Variants in DAPK2 observed in about 807,000 individuals in gnomAD.
DAPK2 encodes the protein death associated protein kinase 2.
A neutral mutation model predicts 44.1 loss-of-function variants in DAPK2; 35 were observed. The ratio of observed to expected loss-of-function variants is 0.79; its 90% CI spans 0.61 to 1.05. The LOEUF is 1.05. DAPK2 is among the 50% of genes least tolerant of loss of function. The pLI is 0.00. For synonymous variants in DAPK2, 174 were observed against 182.6 expected (o/e 0.95, Z 0.38); for missense variants, 453 against 483.2 (o/e 0.94, Z 0.59).
At chr15:64,033,037 G>A (rs1193695413) in intron 1 of DAPK2, among the ~76,000 whole-genome samples, 1 of 152,254 alleles carries the variant, frequency 6.6e-6, no homozygotes, top group Non-Finnish European at 1.5e-5. Flanking sequence ...AGTGAGCCAA[G>A]ATAGCACCAC....
At chr15:63,994,836 C>G (rs1217083536) in intron 1 of DAPK2, among the ~76,000 whole-genome samples, 1 of 152,012 alleles carries the variant, frequency 6.6e-6, no homozygotes, top group Non-Finnish European at 1.5e-5. Context: ...GTGATCCGCC[C>G]ACCTCAGCCT....
chr15:64,010,763 A>G (rs185905582), intron 1 of DAPK2, among the ~76,000 whole-genome samples: 4 of 152,280 alleles, frequency 2.6e-5, no homozygotes, highest in Admixed American at 2.6e-4. Flanking sequence ...CAAGCTTCCC[A>G]TGGACTCATT....
intron 1 of DAPK2, among the ~76,000 whole-genome samples, chr15:64,034,459 G>A (rs1232604217): frequency 6.6e-6 from 1 of 152,184 alleles, no homozygotes; most frequent in Non-Finnish European, 1.5e-5. Context: ...CTCATCCCCA[G>A]GCAAGGAGAC....
intron 3 of DAPK2, among the ~76,000 whole-genome samples, chr15:63,962,470 A>G (rs148102317): frequency 0.028 from 4,288 of 152,166 alleles, 92 homozygotes; most frequent in South Asian, 0.092. Context: ...ATTTCTCCCC[A>G]TCTTTGTGGT....
chr15:64,023,837 C>G (rs1039341589), intron 1 of DAPK2, among the ~76,000 whole-genome samples: 1 of 152,172 alleles, frequency 6.6e-6, no homozygotes, highest in Non-Finnish European at 1.5e-5. Flanking sequence ...TGCTCAAAGC[C>G]GTTACCATCT....
chr15:63,985,496 C>CT (rs2078644686), intron 1 of DAPK2, among the ~76,000 whole-genome samples: 2 of 152,334 alleles, frequency 1.3e-5, no homozygotes, highest in East Asian at 3.9e-4. Flanking sequence ...AGCCACACGC[C>CT]TCTCCTCTCC....
intron 1 of DAPK2, among the ~76,000 whole-genome samples, chr15:63,993,069 C>T (rs2078860375): frequency 1.3e-5 from 2 of 152,172 alleles, no homozygotes; most frequent in African/African-American, 4.8e-5. Context: ...CATTCATGTT[C>T]TAGAATACCT....
chr15:64,016,387 T>C (rs2079527334), intron 1 of DAPK2, among the ~76,000 whole-genome samples: 1 of 152,204 alleles, frequency 6.6e-6, no homozygotes, highest in South Asian at 2.1e-4. Context: ...GAGACATGGA[T>C]TTTAATCCCA....
chr15:64,027,123 C>T (rs750359827), intron 1 of DAPK2, among the ~76,000 whole-genome samples: 7 of 152,118 alleles, frequency 4.6e-5, no homozygotes, highest in South Asian at 4.1e-4. Context: ...TGGCTCATGC[C>T]TATAATCCCA....
At chr15:63,994,162 G>C (rs554731916) in intron 1 of DAPK2, among the ~76,000 whole-genome samples, 2 of 152,114 alleles carry the variant, frequency 1.3e-5, no homozygotes, top group Non-Finnish European at 2.9e-5. Context: ...CAGCCTGTAA[G>C]AGCCTGGAGA....
rs144272361 is a variant in DAPK2 at position 63,947,140 on chromosome 15, C to A, written c.454-7779G>T. On this transcript the variant is annotated intron_variant, in intron 3 of 10. Transcript: ENST00000261891. ...CATCACCCCATCCCACCCTGCAGTTCACTCTGCTGGAACAGCCTTCCTGAC... is the reference window on the plus strand; with the variant it reads ...CATCACCCCATCCCACCCTGCAGTTAACTCTGCTGGAACAGCCTTCCTGAC... Among the ~76,000 whole-genome samples the A allele has an allele frequency of 1.9e-4, 29 of 152,262 alleles. No individual in the cohort carries two copies. The Middle Eastern group carries it at 0.01, about 54-fold the overall frequency.
At chr15:64,040,381 AC>A, upstream of DAPK2, 1 of 776,638 alleles carries the variant, frequency 1.3e-6, no homozygotes, top group Non-Finnish European at 2.2e-6. Context: ...GTAATAATCC[AC>A]AGCCTTGGTT....
intron 1 of DAPK2, among the ~76,000 whole-genome samples, chr15:64,027,315 T>C (rs1232156584): frequency 6.6e-6 from 1 of 151,434 alleles, no homozygotes; most frequent in African/African-American, 2.4e-5. Context: ...ACCTGGGAGG[T>C]GGAGGTTGCA....
intron 4 of DAPK2, among the ~76,000 whole-genome samples, chr15:63,937,738 T>C (rs1056777622): frequency 1.3e-5 from 2 of 152,250 alleles, no homozygotes; most frequent in Non-Finnish European, 2.9e-5. Flanking sequence ...AATCACATCC[T>C]GTCTTGTGAT....
chr15:64,028,965 T>C (rs372737975), intron 1 of DAPK2, among the ~76,000 whole-genome samples: 1 of 152,184 alleles, frequency 6.6e-6, no homozygotes, highest in African/African-American at 2.4e-5. Context: ...AAAATATTTT[T>C]AAGTATATGA....
rs1023237973 is a variant in DAPK2, at chr15:63,912,911, C to G, written c.859-714G>C. 3.3e-5 allele frequency among the ~76,000 whole-genome samples: 5 copies of G among 152,140 alleles called. No homozygotes were observed. Among genetic ancestry groups the G allele is most frequent in the Non-Finnish European group, 7.4e-5 (5 of 68,024 alleles). On this transcript the variant is annotated intron_variant, in intron 8 of 10. Coordinates refer to ENST00000261891, the Ensembl canonical transcript of DAPK2. This position sits in a 1 kb window ranked among gnomAD's most constrained non-coding sequence, Gnocchi z 4.4. ...TGCGTTCTCCATTCCCTTTTCAACA[C>G]CCCCCTTTTGTAAAATAAGGTTTTG...
At chr15:64,004,737 C>G (rs544022501) in intron 1 of DAPK2, among the ~76,000 whole-genome samples, 79 of 152,284 alleles carry the variant, frequency 5.2e-4, no homozygotes, top group African/African-American at 1.7e-3. Context: ...GGCTCCAGGG[C>G]ACACATACAA....
chr15:63,952,392 G>C (rs2140538629), intron 3 of DAPK2, among the ~76,000 whole-genome samples: 1 of 152,268 alleles, frequency 6.6e-6, no homozygotes, highest in Admixed American at 6.5e-5. Flanking sequence ...GGAAATCCAT[G>C]AGCAGAAAAA....
chr15:64,030,590 C>G (rs2079983542), intron 1 of DAPK2, among the ~76,000 whole-genome samples: 1 of 152,118 alleles, frequency 6.6e-6, no homozygotes, highest in Non-Finnish European at 1.5e-5. Context: ...TCCCTTCCTC[C>G]CCTTCCAGCC....
Sources: allele counts gnomAD v4.1 joint callset (sites outside exome capture counted in the v4.1 genomes callset), GRCh38; gene constraint gnomAD v4.1.1; non-coding constraint Gnocchi (gnomAD v3.1); transcripts MANE v1.5; gene names NCBI Gene and HGNC (gene_info 2026-07-23, HGNC 2026-07-21).